Variants in SHISA9 observed in about 807,000 individuals in gnomAD.
SHISA9 encodes shisa family member 9.
Under a neutral mutation model 38.0 loss-of-function variants are expected in SHISA9, and 13 were observed. That is an observed-to-expected ratio of 0.34 (90% CI 0.22 to 0.54). The LOEUF (loss-of-function observed/expected upper bound fraction) is 0.54. Ranked by LOEUF, SHISA9 falls within the 20% of genes least tolerant of loss-of-function variation. The probability of loss-of-function intolerance (pLI) is 0.91; values close to 1 mark genes in which losing one functional copy is unlikely to be tolerated. For missense variants in SHISA9, 538 were observed against 575.8 expected (o/e 0.93, Z 0.67); for synonymous variants, 275 against 242.0 (o/e 1.14, Z -1.27).
chr16:13,233,736 G>A lies in SHISA9; in HGVS notation c.896-1294G>A, dbSNP rs1442111233. 2.0e-5 allele frequency among the ~76,000 whole-genome samples: 3 copies of A among 152,256 alleles called. 1 individual carries two copies. The highest frequency in any genetic ancestry group is 4.1e-4 in the South Asian group (2 of 4,836). ...TGTAAATTAAGAAAACAGGCCTGGT[G>A]CGGTAGCTCACACCTGTAATCCCAA... On this transcript the variant is annotated intron_variant, in intron 4 of 4. Transcript: ENST00000558583.
the SHISA9 span, among the ~76,000 whole-genome samples, chr16:13,528,460 G>A: frequency 6.6e-6 from 1 of 151,880 alleles, no homozygotes; most frequent in South Asian, 2.1e-4. Context: ...TACTCTGAAC[G>A]TGTCTTATTC....
At chr16:13,290,163 G>T in the SHISA9 span, among the ~76,000 whole-genome samples, 3 of 152,114 alleles carry the variant, frequency 2.0e-5, no homozygotes, top group African/African-American at 7.2e-5. Flanking sequence ...TTTGTAGTAT[G>T]ATCTAATCTT....
rs76483001 is a variant in SHISA9 at position 13,024,586 on chromosome 16, A to G, written c.691+107771A>G. ...AGCTGAGCAGGATTTTCTGAGAGGC[A>G]GTGTACTGTGATAGAAAGAGAAAGT... On this transcript the variant is annotated intron_variant, in intron 2 of 4. Coordinates refer to ENST00000558583, the MANE Select transcript of SHISA9 (RefSeq NM_001145204.3). Among the ~76,000 whole-genome samples the G allele has an allele frequency of 1.7e-3, 254 of 152,362 alleles. 5 individuals are homozygous for G. In the East Asian group the frequency reaches 0.034, roughly 21 times the overall value.
chr16:13,137,381 T>C (rs1266580558), intron 2 of SHISA9, among the ~76,000 whole-genome samples: 2 of 152,156 alleles, frequency 1.3e-5, no homozygotes, highest in Non-Finnish European at 2.9e-5. Flanking sequence ...ACTTATTACA[T>C]CTATTAGCAT....
chr16:13,032,792 C>G (rs1257033065), intron 2 of SHISA9, among the ~76,000 whole-genome samples: 5 of 152,090 alleles, frequency 3.3e-5, no homozygotes, highest in African/African-American at 9.7e-5. Flanking sequence ...AGCTGGAAGT[C>G]GATAGAGATC....
At chr16:13,414,364 C>T in the SHISA9 span, among the ~76,000 whole-genome samples, 1 of 152,124 alleles carries the variant, frequency 6.6e-6, no homozygotes, top group Non-Finnish European at 1.5e-5. Flanking sequence ...GTTATTGGTG[C>T]TCAGCTCCAG....
the SHISA9 span, among the ~76,000 whole-genome samples, chr16:13,325,752 G>A: frequency 6.6e-6 from 1 of 152,094 alleles, no homozygotes; most frequent in African/African-American, 2.4e-5. Flanking sequence ...CCTTTGCAGG[G>A]CCATGGATGA....
At chr16:13,289,163 T>C in the SHISA9 span, among the ~76,000 whole-genome samples, 1 of 152,168 alleles carries the variant, frequency 6.6e-6, no homozygotes, top group East Asian at 1.9e-4. Flanking sequence ...TAGAGCACTT[T>C]CTCTTTCCTA....
At chr16:12,916,111 C>G (rs370938586) in intron 1 of SHISA9, among the ~76,000 whole-genome samples, 2 of 147,864 alleles carry the variant, frequency 1.4e-5, no homozygotes, top group Non-Finnish European at 3.0e-5. Context: ...CAAAAATACT[C>G]AGGCTCAAAT....
the SHISA9 span, among the ~76,000 whole-genome samples, chr16:13,562,374 A>G: frequency 6.6e-6 from 1 of 152,202 alleles, no homozygotes; most frequent in East Asian, 1.9e-4. Flanking sequence ...TCATGCCTGT[A>G]ATCCCAGCAC....
intron 2 of SHISA9, among the ~76,000 whole-genome samples, chr16:12,931,717 C>A (rs2071463875): frequency 6.6e-6 from 1 of 152,092 alleles, no homozygotes; most frequent in Admixed American, 6.5e-5. Flanking sequence ...GATTACATGT[C>A]TTTGCTATTG....
At chr16:13,031,160 T>G (rs542931439) in intron 2 of SHISA9, among the ~76,000 whole-genome samples, 1 of 152,274 alleles carries the variant, frequency 6.6e-6, no homozygotes, top group South Asian at 2.1e-4. Context: ...ATTGGGAAAT[T>G]ACTGGGGATC....
intron 2 of SHISA9, among the ~76,000 whole-genome samples, chr16:13,112,043 C>T (rs1036495279): frequency 6.6e-6 from 1 of 152,136 alleles, no homozygotes; most frequent in Non-Finnish European, 1.5e-5. Flanking sequence ...CATTTGTCTT[C>T]TAAAAATGAC....
chr16:13,287,229 G>C, the SHISA9 span, among the ~76,000 whole-genome samples: 5 of 152,178 alleles, frequency 3.3e-5, no homozygotes, highest in South Asian at 1.0e-3. Flanking sequence ...GTTCATTGAT[G>C]GAGAAGAGTG....
chr16:13,237,332 C>T lies in SHISA9; in HGVS notation c.*1923C>T, dbSNP rs2051395329. ...ACATGGGGAATTGGGGTAGGTCAAG[C>T]TTTTTGAAACTGCAAAACCTCTACC... On this transcript the variant is annotated 3_prime_UTR_variant, in exon 5 of 5. Coordinates refer to ENST00000558583, the MANE Select transcript of SHISA9 (RefSeq NM_001145204.3). 2 of 152,092 alleles carry T rather than the reference C, an allele frequency of 1.3e-5. No individual in the cohort carries two copies. The highest frequency in any genetic ancestry group is 4.1e-4 in the South Asian group (2 of 4,822). 9.4% of individuals were successfully genotyped at this position (152,092 alleles called of 1,614,324 possible). A position where few individuals can be genotyped will look rare whatever the true frequency, so the allele number is the denominator to read the frequency against.
At chr16:13,420,908 T>G in the SHISA9 span, among the ~76,000 whole-genome samples, 1 of 152,198 alleles carries the variant, frequency 6.6e-6, no homozygotes, top group Non-Finnish European at 1.5e-5. Context: ...ACTCAAGAGA[T>G]GATGGTATTA....
At chr16:13,422,298 T>A in the SHISA9 span, among the ~76,000 whole-genome samples, 382 of 152,322 alleles carry the variant, frequency 2.5e-3, no homozygotes, top group East Asian at 9.3e-3. Context: ...GATTTTTTTT[T>A]AAAAAGTTAT....
chr16:12,994,558 T>C (rs1041996624), intron 2 of SHISA9, among the ~76,000 whole-genome samples: 1 of 152,186 alleles, frequency 6.6e-6, no homozygotes, highest in African/African-American at 2.4e-5. Context: ...GGTGGGTGGT[T>C]CTTCAGCCTG....
chr16:13,466,328 C>T, the SHISA9 span, among the ~76,000 whole-genome samples: 8 of 152,270 alleles, frequency 5.3e-5, no homozygotes, highest in South Asian at 2.1e-4. Flanking sequence ...AATACTGCTC[C>T]GCAATGGCAG....
Sources: gnomAD v4.1 joint callset for allele counts (sites outside exome capture counted in the v4.1 genomes callset) on GRCh38, gnomAD v4.1.1 for gene constraint, MANE v1.5 for transcripts, NCBI Gene and HGNC (gene_info 2026-07-23, HGNC 2026-07-21) for gene names.